The following GALK2 variants were observed in gnomAD, a reference collection of about 807,000 sequenced individuals.
The protein encoded by GALK2 is N-acetylgalactosamine kinase.
GALK2 carries 36 observed loss-of-function variants against 52.4 expected under a neutral mutation model. The ratio of observed to expected loss-of-function variants is 0.69; its 90% CI spans 0.53 to 0.91. The LOEUF (loss-of-function observed/expected upper bound fraction) is 0.91, where lower values mean the gene tolerates loss of function less well. Ranked by LOEUF, GALK2 falls within the 40% of genes least tolerant of loss-of-function variation. GALK2 has a pLI of 0.00. For synonymous variants in GALK2, 176 were observed against 199.1 expected, an observed-to-expected ratio of 0.88 and a Z score of 0.98; for missense variants, 579 against 559.1, an observed-to-expected ratio of 1.04 and a Z score of -0.36.
chr15:49,288,338 G>T (rs1284655149), intron 7 of GALK2, among the ~76,000 whole-genome samples: 3 of 152,190 alleles, frequency 2.0e-5, no homozygotes, highest in Admixed American at 6.5e-5. Flanking sequence ...AACATGAGAA[G>T]CAGTGAAAGA....
chr15:49,261,749 C>A (rs987478896), intron 5 of GALK2, among the ~76,000 whole-genome samples: 1 of 151,972 alleles, frequency 6.6e-6, no homozygotes, highest in African/African-American at 2.4e-5. Context: ...CCCATCAATA[C>A]CTAATTTATT....
chr15:49,179,467 GTCA>G (rs1030734194), intron 1 of GALK2, among the ~76,000 whole-genome samples: 4 of 152,094 alleles, frequency 2.6e-5, no homozygotes, highest in African/African-American at 9.7e-5. Flanking sequence ...CTTGCCCAAG[GTCA>G]CAGTGGAAGA....
intron 3 of GALK2, among the ~76,000 whole-genome samples, chr15:49,224,194 T>C (rs527884219): frequency 7.7e-6 from 1 of 130,120 alleles, no homozygotes; most frequent in Non-Finnish European, 1.7e-5. Context: ...GGATTATTTG[T>C]TTTTTGCTTG....
chr15:49,277,129 ATTTTTGTATTTTTTTT>A (rs2031870249), intron 5 of GALK2, among the ~76,000 whole-genome samples: 1 of 98,526 alleles, frequency 1.0e-5, no homozygotes, highest in Admixed American at 1.3e-4. Context: ...CGCCCGGCTA[ATTTTTGTATTTTTTTT>A]TTTTTTTTTT....
At chr15:49,291,718 C>G (rs1595985595) in intron 7 of GALK2, among the ~76,000 whole-genome samples, 1 of 152,150 alleles carries the variant, frequency 6.6e-6, no homozygotes, top group African/African-American at 2.4e-5. Flanking sequence ...AGTTAGAAGC[C>G]AAACTCTTTT....
intron 5 of GALK2, among the ~76,000 whole-genome samples, chr15:49,246,062 G>T (rs2091335541): frequency 6.6e-6 from 1 of 152,164 alleles, no homozygotes; most frequent in Non-Finnish European, 1.5e-5. Flanking sequence ...AGAAAGTGTT[G>T]TTTTGAGAGA....
At chr15:49,305,791 C>A (rs185599186) in intron 8 of GALK2, among the ~76,000 whole-genome samples, 1 of 152,262 alleles carries the variant, frequency 6.6e-6, no homozygotes, top group African/African-American at 2.4e-5. Context: ...GGGAAGGTTG[C>A]TTATGGAAAA....
chr15:49,275,351 C>T (rs2031482045), intron 5 of GALK2, among the ~76,000 whole-genome samples: 1 of 152,216 alleles, frequency 6.6e-6, no homozygotes, highest in Admixed American at 6.5e-5. Context: ...GAAGCTGTCA[C>T]TCCAGGTTTA....
downstream of GALK2, chr15:49,335,337 T>C: frequency 1.1e-6 from 1 of 875,602 alleles, no homozygotes; most frequent in East Asian, 2.6e-5. Context: ...ATTAAGGAAC[T>C]TAGTTTAGAT....
chr15:49,194,530 G>GTT (rs201617038), intron 1 of GALK2, among the ~76,000 whole-genome samples: 2 of 151,162 alleles, frequency 1.3e-5, no homozygotes, highest in Non-Finnish European at 2.9e-5. Flanking sequence ...TCAAAACAGG[G>GTT]TTTTTTTGTT....
chr15:49,265,708 A>G (rs2092336097), intron 5 of GALK2, among the ~76,000 whole-genome samples: 1 of 152,220 alleles, frequency 6.6e-6, no homozygotes, highest in South Asian at 2.1e-4. Flanking sequence ...CTATTCGGCC[A>G]TCTTTGCTCC....
At chr15:49,163,395 T>G (rs916507270) in intron 1 of GALK2, among the ~76,000 whole-genome samples, 3 of 152,240 alleles carry the variant, frequency 2.0e-5, no homozygotes, top group Non-Finnish European at 4.4e-5. Context: ...TATTCATCTT[T>G]GTCATACCTA....
At chr15:49,306,149 G>A (rs900553335) in intron 8 of GALK2, among the ~76,000 whole-genome samples, 4 of 151,676 alleles carry the variant, frequency 2.6e-5, no homozygotes, top group Admixed American at 2.0e-4. Flanking sequence ...GTCACCCCAG[G>A]TCACTCTTCC....
At chr15:49,194,088 G>A (rs113529534) in intron 1 of GALK2, 23,116 of 152,162 alleles carry the variant, frequency 0.15, 2,252 homozygotes, top group Non-Finnish European at 0.21. Context: ...AGCACTTTGG[G>A]AGGCCGAGTG....
intron 8 of GALK2, 86 bp downstream of exon 8, chr15:49,292,623 A>G (rs1275878665): frequency 1.9e-6 from 2 of 1,058,976 alleles, no homozygotes; most frequent in Non-Finnish European, 2.8e-6. Flanking sequence ...TTTAGAGAAT[A>G]CTTGAGGGAA....
At chr15:49,327,638 T>C (rs1260237747) in intron 9 of GALK2, 1 of 200,338 alleles carries the variant, frequency 5.0e-6, no homozygotes, top group Admixed American at 5.7e-5. Flanking sequence ...AAGCTTGCTA[T>C]ACAACTCTTC....
chr15:49,235,480 A>G, intron 3 of GALK2: 2 of 345,264 alleles, frequency 5.8e-6, no homozygotes, highest in Admixed American at 8.3e-5. Context: ...GGCTTTGAGT[A>G]CTCTTGTTTC....
intron 2 of GALK2, among the ~76,000 whole-genome samples, chr15:49,206,435 T>A (rs1265257077): frequency 6.6e-6 from 1 of 152,062 alleles, no homozygotes; most frequent in African/African-American, 2.4e-5. Flanking sequence ...ATTTTCACAA[T>A]ATTGATTCTA....
intron 1 of GALK2, among the ~76,000 whole-genome samples, chr15:49,178,195 C>CTATATATATATA (rs71120671): frequency 0.034 from 1,707 of 50,168 alleles, 50 homozygotes; most frequent in Non-Finnish European, 0.037. Context: ...AAAAGAAATA[C>CTATATATATATA]TATATATATA....
Sources: gnomAD v4.1 joint callset for allele counts (sites outside exome capture counted in the v4.1 genomes callset) on GRCh38, gnomAD v4.1.1 for gene constraint, MANE v1.5 for transcripts, NCBI Gene and HGNC (gene_info 2026-07-23, HGNC 2026-07-21) for gene names.